SCHIP1: variants seen among roughly 807,000 people sequenced by gnomAD.
The protein encoded by SCHIP1 is schwannomin interacting protein 1.
SCHIP1 carries 8 observed loss-of-function variants against 29.7 expected under a neutral mutation model. The ratio of observed to expected loss-of-function variants is 0.27; its 90% CI spans 0.16 to 0.49. The LOEUF is 0.49. SCHIP1 is among the 20% of genes least tolerant of loss of function. The pLI is 0.99. For synonymous variants in SCHIP1, 76 were observed against 94.9 expected (o/e 0.80, Z 1.16); for missense variants, 193 against 294.6 (o/e 0.66, Z 2.52).
At chr3:159,330,225 T>C in the SCHIP1 span, among the ~76,000 whole-genome samples, 1 of 152,148 alleles carries the variant, frequency 6.6e-6, no homozygotes, top group East Asian at 1.9e-4. Context: ...GACATCAAAG[T>C]ATGTATAGAT....
At chr3:159,426,538 A>T in the SCHIP1 span, among the ~76,000 whole-genome samples, 1 of 152,250 alleles carries the variant, frequency 6.6e-6, no homozygotes, top group African/African-American at 2.4e-5. Flanking sequence ...TGTGGCAATA[A>T]TCAATAGCTT....
the SCHIP1 span, among the ~76,000 whole-genome samples, chr3:159,732,375 G>A: frequency 1.3e-5 from 2 of 152,148 alleles, no homozygotes; most frequent in Non-Finnish European, 2.9e-5. Context: ...GGAAGTTTGC[G>A]GGCAGCCCCA....
At chr3:159,613,920 T>C in the SCHIP1 span, among the ~76,000 whole-genome samples, 8 of 152,238 alleles carry the variant, frequency 5.3e-5, no homozygotes, top group African/African-American at 1.9e-4. Flanking sequence ...TTCCTTGGCA[T>C]ATATAAATTA....
chr3:159,679,604 A>G, the SCHIP1 span, among the ~76,000 whole-genome samples: 1 of 152,210 alleles, frequency 6.6e-6, no homozygotes, highest in Non-Finnish European at 1.5e-5. Context: ...TCTAAATTAC[A>G]TAGGGAAGAG....
At chr3:159,275,598 C>T in the SCHIP1 span, among the ~76,000 whole-genome samples, 1 of 151,980 alleles carries the variant, frequency 6.6e-6, no homozygotes, top group African/African-American at 2.4e-5. Context: ...GCTTTTTTTC[C>T]AAACATTTTA....
the SCHIP1 span, among the ~76,000 whole-genome samples, chr3:159,672,176 T>A: frequency 1.3e-5 from 2 of 152,226 alleles, no homozygotes; most frequent in African/African-American, 2.4e-5. Flanking sequence ...TGAATCTATT[T>A]ATTATCTACT....
the SCHIP1 span, among the ~76,000 whole-genome samples, chr3:159,761,325 C>G: frequency 6.6e-6 from 1 of 152,154 alleles, no homozygotes; most frequent in Non-Finnish European, 1.5e-5. Flanking sequence ...ATTGACAGGA[C>G]TTGTTGATTG....
At chr3:159,756,458 T>C in the SCHIP1 span, among the ~76,000 whole-genome samples, 1 of 152,260 alleles carries the variant, frequency 6.6e-6, no homozygotes, top group South Asian at 2.1e-4. Context: ...ACAGGGACCC[T>C]GGGCCTGGCC....
At chr3:159,329,534 A>G in the SCHIP1 span, among the ~76,000 whole-genome samples, 5 of 152,130 alleles carry the variant, frequency 3.3e-5, no homozygotes, top group Admixed American at 6.5e-5. Context: ...ACATAATGAG[A>G]GGGCACAGTG....
chr3:159,483,919 C>T, the SCHIP1 span, among the ~76,000 whole-genome samples: 1 of 152,026 alleles, frequency 6.6e-6, no homozygotes, highest in Non-Finnish European at 1.5e-5. Flanking sequence ...AACAAAAATC[C>T]AAATGTGGAG....
the SCHIP1 span, among the ~76,000 whole-genome samples, chr3:159,800,850 C>A: frequency 0.013 from 1,985 of 150,266 alleles, 52 homozygotes; most frequent in African/African-American, 0.046. Flanking sequence ...AGTGGGCCAG[C>A]CTAAAAGGAC....
the SCHIP1 span, chr3:159,764,217 A>C: frequency 2.0e-6 from 1 of 490,968 alleles, no homozygotes; most frequent in Non-Finnish European, 3.5e-6. The surrounding 1 kb of genome is among the most constrained non-coding windows in gnomAD (Gnocchi z 6.1). Flanking sequence ...CCCTTTGCTA[A>C]TTTGAGGGTT....
At chr3:159,420,212 G>T in the SCHIP1 span, among the ~76,000 whole-genome samples, 4 of 152,172 alleles carry the variant, frequency 2.6e-5, no homozygotes, top group African/African-American at 9.7e-5. Flanking sequence ...GCTTCAGGGG[G>T]CAAAGACAAG....
At chr3:159,595,917 A>G in the SCHIP1 span, among the ~76,000 whole-genome samples, 21 of 152,216 alleles carry the variant, frequency 1.4e-4, no homozygotes, top group African/African-American at 5.1e-4. Context: ...CAAAAACACC[A>G]AAAGCAATGG....
the SCHIP1 span, among the ~76,000 whole-genome samples, chr3:159,432,335 TGTGTGAGAGAGA>T: frequency 0.17 from 14,322 of 84,426 alleles, 881 homozygotes; most frequent in East Asian, 0.24. Flanking sequence ...TGTGTGTGTG[TGTGTGAGAGAGA>T]GAGAGAGAGA....
At chr3:159,547,623 T>C in the SCHIP1 span, among the ~76,000 whole-genome samples, 1 of 152,318 alleles carries the variant, frequency 6.6e-6, no homozygotes, top group South Asian at 2.1e-4. Context: ...AGTTTCAGTT[T>C]TCTGCATATG....
At chr3:159,468,718 T>A in the SCHIP1 span, among the ~76,000 whole-genome samples, 5 of 144,788 alleles carry the variant, frequency 3.5e-5, no homozygotes, top group African/African-American at 5.1e-5. Flanking sequence ...CACGAGTGTT[T>A]TATATATATA....
chr3:159,411,213 A>G, the SCHIP1 span, among the ~76,000 whole-genome samples: 4 of 152,132 alleles, frequency 2.6e-5, no homozygotes, highest in East Asian at 7.7e-4. Context: ...CTAGCATTTG[A>G]TAGGACAATG....
chr3:159,612,565 G>A, the SCHIP1 span, among the ~76,000 whole-genome samples: 1 of 152,192 alleles, frequency 6.6e-6, no homozygotes, highest in African/African-American at 2.4e-5. Context: ...TGGCCAACAT[G>A]GCGAAACTCC....
Sources: gnomAD v4.1 joint callset for allele counts (sites outside exome capture counted in the v4.1 genomes callset) on GRCh38, gnomAD v4.1.1 for gene constraint, Gnocchi (gnomAD v3.1) non-coding constraint, MANE v1.5 for transcripts, NCBI Gene and HGNC (gene_info 2026-07-23, HGNC 2026-07-21) for gene names.